GAS6: variants seen among roughly 807,000 people sequenced by gnomAD.
GAS6 encodes growth arrest specific 6, also known as growth arrest-specific protein 6.
In GAS6, 41 loss-of-function variants were observed where a neutral mutation model predicts 75.8. The ratio of observed to expected loss-of-function variants is 0.54; its 90% CI spans 0.42 to 0.70. The LOEUF is 0.70. GAS6 is among the 30% of genes least tolerant of loss of function. GAS6 has a pLI of 0.00. For missense variants in GAS6, 854 were observed against 940.2 expected, an observed-to-expected ratio of 0.91 and a Z score of 1.20; for synonymous variants, 432 against 412.6, an observed-to-expected ratio of 1.05 and a Z score of -0.57.
intron 5 of GAS6, 142 bp downstream of exon 5, chr13:113,839,586 G>C (rs1594201542): frequency 5.7e-6 from 6 of 1,050,002 alleles, no homozygotes; most frequent in Non-Finnish European, 8.1e-6. Context: ...GGGGCTCCAG[G>C]ATACCTCAGG....
chr13:113,860,103 C>G (rs2051958533), intron 2 of GAS6, among the ~76,000 whole-genome samples: 1 of 152,228 alleles, frequency 6.6e-6, no homozygotes, highest in South Asian at 2.1e-4. Context: ...GAGAATTCCT[C>G]ACCACCAGCA....
rs1566354715 is a variant in GAS6, at chr13:113,826,535, GGCGCCGGCCTC to G, written c.1477+450_1477+460del. ...AGGCACCTTCTCTCCCCGGCCTCCCGGCGCCGGCCTCGCAGGCACCTTCTCTCCCCGGCCTC... is the reference window on the plus strand; with the variant it reads ...AGGCACCTTCTCTCCCCGGCCTCCCGGCAGGCACCTTCTCTCCCCGGCCTC... On this transcript the variant is annotated intron_variant, in intron 12 of 14. Transcript: ENST00000327773. Among the ~76,000 whole-genome samples, 40 of 83,066 alleles carry G rather than the reference GGCGCCGGCCTC, an allele frequency of 4.8e-4. 3 individuals are homozygous for G. Among genetic ancestry groups the G allele is most frequent in the African/African-American group, 2.0e-3 (39 of 19,810 alleles). The allele number at this position is 83,066 out of a possible 152,430, so 54.5% of individuals were successfully genotyped here.
chr13:113,835,500 G>A lies in GAS6; in HGVS notation c.712+13C>T, dbSNP rs778007882. On this transcript the variant is annotated intron_variant, in intron 7 of 14. Coordinates refer to ENST00000327773, the MANE Select transcript of GAS6 (RefSeq NM_000820.4). ...CGTCAGAGAAAGCGAGGGTGACCGC[G>A]TGGCGTGGGTACCTCGGCAAGCCTT... The A allele has an allele frequency of 1.7e-5, 27 of 1,611,622 alleles. No individual in the cohort carries two copies. Among genetic ancestry groups the A allele is most frequent in the African/African-American group, 2.7e-5 (2 of 74,890 alleles).
chr13:113,826,534 CGG>C, intron 12 of GAS6, among the ~76,000 whole-genome samples: 1 of 94,078 alleles, frequency 1.1e-5, no homozygotes, highest in African/African-American at 4.3e-5. Context: ...CCCGGCCTCC[CGG>C]CGCCGGCCTC....
chr13:113,846,996 C>T, intron 3 of GAS6: 1 of 505,436 alleles, frequency 2.0e-6, no homozygotes, highest in Non-Finnish European at 3.9e-6. Flanking sequence ...GAGAAAGCCC[C>T]TCCATGCTCT....
intron 14 of GAS6, chr13:113,821,745 C>T (rs542767128): frequency 7.4e-5 from 40 of 540,282 alleles, no homozygotes; most frequent in South Asian, 7.3e-4. Flanking sequence ...GGCCCCCGTA[C>T]GTGTTTCTCA....
chr13:113,847,765 A>G (rs1318022399), intron 3 of GAS6: 4 of 505,852 alleles, frequency 7.9e-6, no homozygotes, highest in Non-Finnish European at 1.1e-5. Context: ...CAAGGAGCTG[A>G]GCCTGGCATC....
intron 4 of GAS6, chr13:113,841,500 A>ATACGCCCCACAGTTTCCTCCG (rs2051776412): frequency 7.4e-6 from 1 of 135,602 alleles, no homozygotes; most frequent in Admixed American, 7.3e-5. Flanking sequence ...AATTTCCTCC[A>ATACGCCCCACAGTTTCCTCCG]TACGCCCCAC....
intron 2 of GAS6, among the ~76,000 whole-genome samples, chr13:113,861,260 G>A (rs191909512): frequency 3.6e-4 from 55 of 152,312 alleles, no homozygotes; most frequent in Admixed American, 1.6e-3. Flanking sequence ...GGGTAGGTGC[G>A]TGTTAACTAA....
rs1197852437 is a variant in GAS6, at chr13:113,835,947, C to A, written c.590-312G>T. The A allele has an allele frequency of 6.1e-6, 7 of 1,147,858 alleles. No homozygotes were observed. The Admixed American group carries it at 2.7e-4, about 45-fold the overall frequency. The allele number at this position is 1,147,858 out of a possible 1,614,324, so 71.1% of individuals were successfully genotyped here. A position where few individuals can be genotyped will look rare whatever the true frequency, so the allele number is the denominator to read the frequency against. On this transcript the variant is annotated intron_variant, in intron 6 of 14. Coordinates refer to ENST00000327773, the MANE Select transcript of GAS6 (RefSeq NM_000820.4). ...ACGCTGTGCTGTTCCATTTAAATGA[C>A]GGTGCTACAGGACACGGGGCCGTAA... is the stretch of plus-strand genomic sequence containing the variant.
chr13:113,847,651 T>A (rs967360590), intron 3 of GAS6: 13 of 261,138 alleles, frequency 5.0e-5, no homozygotes, highest in Non-Finnish European at 9.4e-5. Context: ...TATCAGTCAA[T>A]ACAGCCCACA....
intron 10 of GAS6, among the ~76,000 whole-genome samples, 171 bp downstream of exon 10, chr13:113,832,128 C>T (rs1404037991): frequency 6.7e-6 from 1 of 150,328 alleles, no homozygotes; most frequent in East Asian, 2.0e-4. Context: ...GGGCAGGGGT[C>T]CCCGTCTCCC....
chr13:113,821,847 C>T (rs1346077668), intron 14 of GAS6, 111 bp downstream of exon 14: 9 of 828,916 alleles, frequency 1.1e-5, no homozygotes, highest in African/African-American at 8.7e-5. Flanking sequence ...CACAAGTCCT[C>T]TTCCGCATTC....
intron 10 of GAS6, 59 bp downstream of exon 10, chr13:113,832,240 T>C: frequency 6.5e-7 from 1 of 1,546,900 alleles, no homozygotes; most frequent in Non-Finnish European, 8.7e-7. Context: ...GAGTGACAGC[T>C]GAGTCTGGCT....
chr13:113,822,341 G>A, intron 13 of GAS6, 155 bp from the exon 14 acceptor site: 1 of 550,662 alleles, frequency 1.8e-6, no homozygotes, highest in Non-Finnish European at 3.1e-6. Flanking sequence ...CTCGCTGACT[G>A]TGGATGACAC....
At chr13:113,847,092 A>G (rs114860602) in intron 3 of GAS6, 5,819 of 464,020 alleles carry the variant, frequency 0.013, 308 homozygotes, top group African/African-American at 0.11. Flanking sequence ...ATCCAGGGAT[A>G]ACCCGAAGCG....
Position 113,820,988 on chromosome 13 carries a change from G to A in GAS6, c.1913C>T (p.Ala638Val), listed in dbSNP as rs765629353. ...CAGTGTCATGCAGCCGCGGTAGAAC[G>A]CGGTGACTGGCGCTGAAGTCACCGG... ...DVPVTSAPVT[A>V]FYRGCMTLEV... Residue 638 changes from alanine (A) to valine (V), a missense_variant, in exon 15 of 15, where the codon GCG becomes GTG. Coordinates refer to ENST00000327773, the MANE Select transcript of GAS6 (RefSeq NM_000820.4). The A allele has an allele frequency of 1.4e-5, 22 of 1,612,530 alleles. No individual in the cohort carries two copies. Among genetic ancestry groups the A allele is most frequent in the Middle Eastern group, 1.7e-4 (1 of 5,996 alleles).
chr13:113,853,249 A>G (rs1311863396), intron 2 of GAS6, among the ~76,000 whole-genome samples: 1 of 152,202 alleles, frequency 6.6e-6, no homozygotes, highest in African/African-American at 2.4e-5. Flanking sequence ...AACATTTCCT[A>G]AACACCTTCA....
chr13:113,853,842 G>A lies in GAS6; in HGVS notation c.256-5792C>T, dbSNP rs186122228. Among the ~76,000 whole-genome samples, 146 of 152,306 alleles carry A rather than the reference G, an allele frequency of 9.6e-4. No individual in the cohort carries two copies. The Middle Eastern group carries it at 0.01, about 11-fold the overall frequency. On this transcript the variant is annotated intron_variant, in intron 2 of 14. Coordinates refer to ENST00000327773, the MANE Select transcript of GAS6 (RefSeq NM_000820.4). Reference sequence around the variant, plus strand: ...TTACAGACCCTTGGCCTGGCAGCCCGGCTCTATTCATGTTCTTCTAGCTTG... The same window carrying A: ...TTACAGACCCTTGGCCTGGCAGCCCAGCTCTATTCATGTTCTTCTAGCTTG...
Sources: allele counts gnomAD v4.1 joint callset (sites outside exome capture counted in the v4.1 genomes callset), GRCh38; gene constraint gnomAD v4.1.1; transcripts MANE v1.5; gene names NCBI Gene and HGNC (gene_info 2026-07-23, HGNC 2026-07-21).